The following ERC2 variants were observed in gnomAD, a reference collection of about 807,000 sequenced individuals.
The protein encoded by ERC2 is ERC protein 2.
A neutral mutation model predicts 114.8 loss-of-function variants in ERC2; 42 were observed. That is an observed-to-expected ratio of 0.37 (90% CI 0.29 to 0.47). The LOEUF is 0.47. Among genes scored for constraint, ERC2 ranks in the 20% least tolerant of loss-of-function variants. The probability of loss-of-function intolerance (pLI) is 0.99; values close to 1 mark genes in which losing one functional copy is unlikely to be tolerated. For synonymous variants in ERC2, 454 were observed against 425.5 expected (o/e 1.07, Z -0.82); for missense variants, 939 against 1,150.7 (o/e 0.82, Z 2.66).
intron 1 of ERC2, among the ~76,000 whole-genome samples, chr3:56,453,769 G>T (rs2062931077): frequency 6.6e-6 from 1 of 152,164 alleles, no homozygotes; most frequent in African/African-American, 2.4e-5. Flanking sequence ...TGCTCCTGGT[G>T]CTTGGACATC....
intron 13 of ERC2, among the ~76,000 whole-genome samples, chr3:55,889,324 A>T (rs1047942442): frequency 1.3e-5 from 2 of 152,210 alleles, no homozygotes; most frequent in Admixed American, 6.5e-5. Flanking sequence ...ACATTCAGGA[A>T]GCAAGGTTTG....
chr3:55,720,531 C>T (rs1051078278), intron 15 of ERC2, among the ~76,000 whole-genome samples: 2 of 151,836 alleles, frequency 1.3e-5, no homozygotes, highest in African/African-American at 2.4e-5. Context: ...GCAATCTTTC[C>T]GCCTTGGCCT....
At chr3:56,046,990 G>A (rs1051016418) in intron 7 of ERC2, among the ~76,000 whole-genome samples, 2 of 152,160 alleles carry the variant, frequency 1.3e-5, no homozygotes, top group African/African-American at 4.8e-5. Flanking sequence ...TCTGCAAAGT[G>A]TCAAAAATTC....
At chr3:56,053,132 C>T (rs1445644868) in intron 7 of ERC2, among the ~76,000 whole-genome samples, 1 of 152,196 alleles carries the variant, frequency 6.6e-6, no homozygotes, top group Non-Finnish European at 1.5e-5. Flanking sequence ...TTCTCAAGTC[C>T]TCCTTGTTAT....
intron 3 of ERC2, among the ~76,000 whole-genome samples, chr3:56,239,874 C>T (rs76017375): frequency 0.011 from 1,701 of 152,312 alleles, 8 homozygotes; most frequent in Non-Finnish European, 0.017. Context: ...TAAGCAGAAC[C>T]TCCTCCTCCA....
At chr3:55,513,809 T>A (rs923045766) in intron 17 of ERC2, among the ~76,000 whole-genome samples, 1 of 151,950 alleles carries the variant, frequency 6.6e-6, no homozygotes, top group African/African-American at 2.4e-5. Flanking sequence ...AATTTTTGTA[T>A]TTTTTTACAG....
chr3:55,906,599 C>T (rs1489602218), intron 13 of ERC2, among the ~76,000 whole-genome samples: 1 of 152,150 alleles, frequency 6.6e-6, no homozygotes, highest in East Asian at 1.9e-4. Flanking sequence ...GTTTTAACAA[C>T]CCTTCTGATT....
chr3:55,586,878 A>G (rs763185315), intron 17 of ERC2, among the ~76,000 whole-genome samples: 13 of 152,364 alleles, frequency 8.5e-5, no homozygotes, highest in Admixed American at 2.0e-4. Context: ...ACATTTTGCC[A>G]TATTTTCCTC....
chr3:55,836,932 A>C (rs2060915427), intron 14 of ERC2, among the ~76,000 whole-genome samples: 1 of 152,198 alleles, frequency 6.6e-6, no homozygotes, highest in Admixed American at 6.5e-5. Flanking sequence ...ACCCCATCAA[A>C]AAGTGGGCGA....
chr3:56,088,584 C>T (rs2077624615), intron 6 of ERC2, among the ~76,000 whole-genome samples: 1 of 152,046 alleles, frequency 6.6e-6, no homozygotes. Context: ...GAAAGACAGA[C>T]TGAAGAGGAA....
intron 17 of ERC2, among the ~76,000 whole-genome samples, chr3:55,587,274 C>G (rs1696247): frequency 0.24 from 36,175 of 152,098 alleles, 4,850 homozygotes; most frequent in East Asian, 0.65. Flanking sequence ...CTGCCTCAGC[C>G]TCCCGAGTAC....
At chr3:56,023,293 T>A (rs1162715161) in intron 7 of ERC2, among the ~76,000 whole-genome samples, 1 of 152,060 alleles carries the variant, frequency 6.6e-6, no homozygotes, top group South Asian at 2.1e-4. Context: ...ATGGCTCCCA[T>A]TGCCCCCCAC....
At chr3:55,854,489 A>T (rs1169236401) in intron 14 of ERC2, among the ~76,000 whole-genome samples, 1 of 152,212 alleles carries the variant, frequency 6.6e-6, no homozygotes, top group Non-Finnish European at 1.5e-5. Context: ...AGAGCACAGG[A>T]GCAGCAGAGA....
chr3:55,883,539 TACACACACACAC>T (rs34468467), intron 14 of ERC2, among the ~76,000 whole-genome samples: 3 of 143,962 alleles, frequency 2.1e-5, no homozygotes, highest in African/African-American at 7.6e-5. Context: ...TAATTAAACA[TACACACACACAC>T]ACACACACAC....
At chr3:56,043,551 G>A (rs79293055) in intron 7 of ERC2, among the ~76,000 whole-genome samples, 1,902 of 152,082 alleles carry the variant, frequency 0.013, 8 homozygotes, top group African/African-American at 0.023. Flanking sequence ...TAAAAAGGAA[G>A]CAATAGGACA....
chr3:55,618,372 A>T (rs2059205679), intron 17 of ERC2, among the ~76,000 whole-genome samples: 1 of 152,198 alleles, frequency 6.6e-6, no homozygotes, highest in Admixed American at 6.6e-5. Flanking sequence ...CCTTTTAGGA[A>T]TTTATTCCAA....
At chr3:56,172,982 C>A (rs6786348) in intron 4 of ERC2, among the ~76,000 whole-genome samples, 139,085 of 152,150 alleles carry the variant, frequency 0.91, 64,014 homozygotes, top group East Asian at 1. Context: ...CTGGGGTCAC[C>A]AGAAAGTATC....
At chr3:55,595,400 C>T (rs1266614221) in intron 17 of ERC2, among the ~76,000 whole-genome samples, 1 of 152,204 alleles carries the variant, frequency 6.6e-6, no homozygotes, top group African/African-American at 2.4e-5. Flanking sequence ...CTGTCCAGTA[C>T]CAAAGCTCTT....
chr3:56,209,517 C>T (rs1482640127), intron 3 of ERC2, among the ~76,000 whole-genome samples: 2 of 152,158 alleles, frequency 1.3e-5, no homozygotes, highest in Non-Finnish European at 2.9e-5. Flanking sequence ...CAATTTATTG[C>T]TTTATTTCCC....
Sources: gnomAD v4.1 joint callset for allele counts (sites outside exome capture counted in the v4.1 genomes callset) on GRCh38, gnomAD v4.1.1 for gene constraint, MANE v1.5 for transcripts, NCBI Gene and HGNC (gene_info 2026-07-23, HGNC 2026-07-21) for gene names.